The following ARHGEF11 variants were observed in gnomAD, a reference collection of about 807,000 sequenced individuals.
ARHGEF11 encodes Rho guanine nucleotide exchange factor 11.
Under a neutral mutation model 193.7 loss-of-function variants are expected in ARHGEF11, and 55 were observed. The observed-to-expected ratio is 0.28, with a 90% CI of 0.23 to 0.36. The LOEUF (loss-of-function observed/expected upper bound fraction) is 0.36, where lower values mean the gene tolerates loss of function less well. Among genes scored for constraint, ARHGEF11 ranks in the 10% least tolerant of loss-of-function variants. The probability of loss-of-function intolerance (pLI) is 1.00; values close to 1 mark genes in which losing one functional copy is unlikely to be tolerated. For missense variants in ARHGEF11, 1,723 were observed against 2,005.6 expected (o/e 0.86, Z 2.69); for synonymous variants, 693 against 768.0 (o/e 0.90, Z 1.62).
At chr1:157,006,270 C>T (rs974605338) in intron 1 of ARHGEF11, among the ~76,000 whole-genome samples, 1 of 152,066 alleles carries the variant, frequency 6.6e-6, no homozygotes, top group Non-Finnish European at 1.5e-5. Flanking sequence ...CTGCACCTGG[C>T]CCACACATCA....
intron 40 of ARHGEF11, 47 bp from the exon 41 acceptor site, chr1:156,936,105 C>A (rs768971643): frequency 6.4e-7 from 1 of 1,574,238 alleles, no homozygotes; most frequent in East Asian, 2.2e-5. Flanking sequence ...CTGAGGTGAC[C>A]GCTTCCACAT....
At chr1:157,027,810 CT>C (rs545806539) in intron 1 of ARHGEF11, among the ~76,000 whole-genome samples, 77 of 152,328 alleles carry the variant, frequency 5.1e-4, no homozygotes, top group African/African-American at 1.7e-3. Flanking sequence ...GACATCACCT[CT>C]GCAAATGTCT....
chr1:157,026,813 A>G (rs1336682520), intron 1 of ARHGEF11, among the ~76,000 whole-genome samples: 2 of 152,250 alleles, frequency 1.3e-5, no homozygotes, highest in Non-Finnish European at 2.9e-5. Flanking sequence ...GCTAACTGTT[A>G]TTATGGATCT....
intron 8 of ARHGEF11, among the ~76,000 whole-genome samples, chr1:156,970,893 C>T (rs1662398556): frequency 6.6e-6 from 1 of 152,214 alleles, no homozygotes; most frequent in South Asian, 2.1e-4. Context: ...TCTAAGTCCA[C>T]AACCTGAGCT....
At chr1:156,982,461 C>G (rs1171879570) in intron 3 of ARHGEF11, among the ~76,000 whole-genome samples, 1 of 152,188 alleles carries the variant, frequency 6.6e-6, no homozygotes, top group Non-Finnish European at 1.5e-5. Context: ...AAGATAACCG[C>G]TGCTTTGTTA....
chr1:156,989,916 C>A (rs1344590548), intron 1 of ARHGEF11, among the ~76,000 whole-genome samples: 1 of 152,146 alleles, frequency 6.6e-6, no homozygotes, highest in Non-Finnish European at 1.5e-5. Context: ...TGACACTTTA[C>A]CCCTATTTTA....
At chr1:156,991,474 C>G (rs1267174938) in intron 1 of ARHGEF11, among the ~76,000 whole-genome samples, 1 of 151,220 alleles carries the variant, frequency 6.6e-6, no homozygotes, top group African/African-American at 2.4e-5. Flanking sequence ...CACACACCAC[C>G]ACGCCTGGCT....
At chr1:156,979,103 C>T in intron 5 of ARHGEF11, 126 bp downstream of exon 5, 1 of 834,100 alleles carries the variant, frequency 1.2e-6, no homozygotes, top group East Asian at 2.6e-5. Flanking sequence ...AAAGATGTGA[C>T]TTTAGCTGCC....
At chr1:157,001,551 T>A (rs142265779) in intron 1 of ARHGEF11, among the ~76,000 whole-genome samples, 1 of 152,332 alleles carries the variant, frequency 6.6e-6, no homozygotes, top group East Asian at 1.9e-4. Flanking sequence ...AAACTCAACA[T>A]GTAGCTGCCT....
At chr1:156,941,318 T>A (rs1214323599) in intron 35 of ARHGEF11, 54 bp downstream of exon 35, 3 of 1,578,970 alleles carry the variant, frequency 1.9e-6, no homozygotes, top group African/African-American at 2.7e-5. Context: ...ACCCAACCTG[T>A]GCCTACAGAA....
chr1:157,046,591 T>C (rs1013354149), upstream of ARHGEF11, among the ~76,000 whole-genome samples: 10 of 150,964 alleles, frequency 6.6e-5, no homozygotes, highest in African/African-American at 2.2e-4. Context: ...CTTCGCTGTT[T>C]CCTCTCGGGT....
rs929990149 is a variant in ARHGEF11 at position 156,935,372 on chromosome 1, C to T, written c.*628G>A. 5.3e-5 allele frequency: 8 copies of T among 152,162 alleles called. No homozygotes were observed. The East Asian group carries it at 5.8e-4, about 11-fold the overall frequency. The allele number at this position is 152,162 out of a possible 1,614,324, so 9.4% of individuals were successfully genotyped here. ...GACAGGAACACTCAGGCCTGGCTCC[C>T]GCTTTAGGCTCGATCCTGGAACTGG... On this transcript the variant is annotated 3_prime_UTR_variant, in exon 41 of 41. Coordinates refer to ENST00000368194, the MANE Select transcript of ARHGEF11 (RefSeq NM_198236.3).
rs191213620 is a variant in ARHGEF11 at position 156,971,340 on chromosome 1, C to T, written c.702+357G>A. Among the ~76,000 whole-genome samples the T allele has an allele frequency of 2.7e-3, 411 of 152,272 alleles. 1 individual carries two copies. Among genetic ancestry groups the T allele is most frequent in the Non-Finnish European group, 4.9e-3 (331 of 68,028 alleles). The stretch of plus-strand genomic sequence containing the variant: ...GTGGGAAAGGGTACCAGATGAAATA[C>T]TGGGTAAAACCAGTATAGAAATGTA... On this transcript the variant is annotated intron_variant, in intron 8 of 40. Coordinates refer to ENST00000368194, the MANE Select transcript of ARHGEF11 (RefSeq NM_198236.3).
At chr1:157,000,871 G>A (rs1032360987) in intron 1 of ARHGEF11, among the ~76,000 whole-genome samples, 4 of 152,136 alleles carry the variant, frequency 2.6e-5, no homozygotes, top group South Asian at 2.1e-4. Flanking sequence ...AGTGGGAGGC[G>A]GGCCAGAGCT....
intron 15 of ARHGEF11, among the ~76,000 whole-genome samples, chr1:156,960,216 C>G (rs1660628939): frequency 6.6e-6 from 1 of 152,140 alleles, no homozygotes; most frequent in African/African-American, 2.4e-5. Flanking sequence ...GAGTGAGCGC[C>G]TAGGCAGGGT....
rs769065351 is a variant in ARHGEF11, at chr1:156,958,894, A to G, written c.1380-30T>C. On this transcript the variant is annotated intron_variant, in intron 16 of 40. Transcript: ENST00000368194. ...GCCAGATAAACACAGGGAAAGAAAG[A>G]AATATACACAAATACTCAACAGATG... 8 of 1,613,810 alleles carry G rather than the reference A, an allele frequency of 5.0e-6. No homozygotes were observed. The East Asian group carries it at 1.8e-4, about 36-fold the overall frequency.
chr1:156,983,607 C>A (rs1664516340), intron 3 of ARHGEF11, among the ~76,000 whole-genome samples: 1 of 152,220 alleles, frequency 6.6e-6, no homozygotes, highest in Non-Finnish European at 1.5e-5. Flanking sequence ...TTTGACTGTT[C>A]ACACCCCTTC....
intron 1 of ARHGEF11, among the ~76,000 whole-genome samples, chr1:156,999,950 C>G (rs973709556): frequency 1.3e-5 from 2 of 152,212 alleles, no homozygotes; most frequent in African/African-American, 2.4e-5. Flanking sequence ...CATCCTAAAA[C>G]CACTCTACAA....
At chr1:156,939,074 C>A in intron 37 of ARHGEF11, 1 of 211,750 alleles carries the variant, frequency 4.7e-6, no homozygotes, top group South Asian at 7.9e-5. Flanking sequence ...CAGCTTTGTC[C>A]TCCACCCCTT....
Sources: allele counts gnomAD v4.1 joint callset (sites outside exome capture counted in the v4.1 genomes callset), GRCh38; gene constraint gnomAD v4.1.1; transcripts MANE v1.5; gene names NCBI Gene and HGNC (gene_info 2026-07-23, HGNC 2026-07-21).